KIZ: variants seen among roughly 807,000 people sequenced by gnomAD.
KIZ encodes kizuna centrosomal protein.
A neutral mutation model predicts 79.6 loss-of-function variants in KIZ; 68 were observed. That is an observed-to-expected ratio of 0.85 (90% CI 0.70 to 1.05). The LOEUF (loss-of-function observed/expected upper bound fraction) is 1.05. Among genes scored for constraint, KIZ ranks in the 50% least tolerant of loss-of-function variants. The probability of loss-of-function intolerance (pLI) is 0.00; values close to 1 mark genes in which losing one functional copy is unlikely to be tolerated. For missense variants in KIZ, 797 were observed against 800.4 expected (o/e 1.00, Z 0.05); for synonymous variants, 280 against 281.8 (o/e 0.99, Z 0.06).
chr20:21,218,310 C>T (rs1273539395), intron 9 of KIZ: 1 of 151,988 alleles, frequency 6.6e-6, no homozygotes. Flanking sequence ...GCCTATGTGC[C>T]CTTAGTAACC....
chr20:21,172,291 A>C (rs1474253217), intron 6 of KIZ, among the ~76,000 whole-genome samples: 1 of 152,158 alleles, frequency 6.6e-6, no homozygotes, highest in African/African-American at 2.4e-5. Flanking sequence ...ATAAACCAGT[A>C]AACAATCTGT....
chr20:21,137,751 A>G (rs1048610532), intron 3 of KIZ, among the ~76,000 whole-genome samples: 14 of 152,016 alleles, frequency 9.2e-5, no homozygotes, highest in African/African-American at 2.7e-4. Context: ...TCATACCATT[A>G]TCACGTCTAA....
At chr20:21,141,742 A>G (rs924117469) in intron 3 of KIZ, among the ~76,000 whole-genome samples, 6 of 151,842 alleles carry the variant, frequency 4.0e-5, no homozygotes, top group African/African-American at 1.5e-4. Context: ...TTGAGGACAA[A>G]GCCCAGGTGC....
At position 21,133,200 on chromosome 20, in the gene KIZ, G is replaced by C. The variant is rs186879673; in HGVS notation, c.152+1041G>C. 309 of 152,314 alleles carry C rather than the reference G, an allele frequency of 2.0e-3. 1 individual carries two copies. The highest frequency in any genetic ancestry group is 7.0e-3 in the African/African-American group (292 of 41,554). The allele number at this position is 152,314 out of a possible 1,614,324, so 9.4% of individuals were successfully genotyped here. A position where few individuals can be genotyped will look rare whatever the true frequency, so the allele number is the denominator to read the frequency against. ...TCCTTTAAAGTCAAATTACCTATTA[G>C]GTCAGTTCTTTCCCTTGTCTTCAAA... On this transcript the variant is annotated intron_variant, in intron 2 of 12. Transcript: ENST00000619189.
intron 8 of KIZ, 29 bp from the exon 9 acceptor site, chr20:21,215,553 CT>C (rs753407988): frequency 8.6e-4 from 1,170 of 1,362,792 alleles, no homozygotes; most frequent in Non-Finnish European, 9.8e-4. Flanking sequence ...CTTTGAAATA[CT>C]TTTTTTTTAT....
chr20:21,170,701 T>A (rs1246650881), intron 6 of KIZ, among the ~76,000 whole-genome samples: 2 of 152,084 alleles, frequency 1.3e-5, no homozygotes, highest in Non-Finnish European at 2.9e-5. Flanking sequence ...AAATACTAGA[T>A]CTTATTCGTT....
intron 7 of KIZ, among the ~76,000 whole-genome samples, chr20:21,211,663 C>G (rs907579015): frequency 6.6e-6 from 1 of 152,222 alleles, no homozygotes; most frequent in African/African-American, 2.4e-5. Context: ...CTCTGAGCTT[C>G]TCTCTGTGTT....
At position 21,235,920 on chromosome 20, in the gene KIZ, G is replaced by A. The variant is rs574310748; in HGVS notation, c.1880+3090G>A. ...CCTGGTCACTGTGCCATTTTCCCCAGGATAACATAAAGATTATAAGGAACC... is the reference window on the plus strand; with the variant it reads ...CCTGGTCACTGTGCCATTTTCCCCAAGATAACATAAAGATTATAAGGAACC... On this transcript the variant is annotated intron_variant, in intron 11 of 12. Transcript: ENST00000619189. Among the ~76,000 whole-genome samples, 297 of 152,284 alleles carry A rather than the reference G, an allele frequency of 2.0e-3. 2 individuals carry two copies. The highest frequency in any genetic ancestry group is 3.5e-3 in the Non-Finnish European group (236 of 68,026).
At chr20:21,188,585 C>G (rs1353197737) in intron 6 of KIZ, among the ~76,000 whole-genome samples, 3 of 151,462 alleles carry the variant, frequency 2.0e-5, no homozygotes, top group South Asian at 4.2e-4. Context: ...ACCCTACACC[C>G]TCCACATTTT....
chr20:21,189,316 AGGGGTTAAGTTTG>A (rs1167151380), intron 6 of KIZ, among the ~76,000 whole-genome samples: 3 of 152,174 alleles, frequency 2.0e-5, no homozygotes, highest in Non-Finnish European at 4.4e-5. Flanking sequence ...ATTCGGTTAA[AGGGGTTAAGTTTG>A]GGATCCATAG....
intron 6 of KIZ, among the ~76,000 whole-genome samples, chr20:21,204,768 A>G (rs1432212954): frequency 6.6e-6 from 1 of 152,202 alleles, no homozygotes; most frequent in Non-Finnish European, 1.5e-5. Flanking sequence ...CTGAGCAGCA[A>G]TATAGGCTTA....
intron 6 of KIZ, among the ~76,000 whole-genome samples, chr20:21,192,689 C>T (rs1320215812): frequency 7.2e-5 from 11 of 152,116 alleles, no homozygotes; most frequent in Admixed American, 7.2e-4. Context: ...AGGGAAATTG[C>T]AGAAGAATGA....
At chr20:21,154,861 G>A (rs2033297611) in intron 4 of KIZ, among the ~76,000 whole-genome samples, 1 of 152,168 alleles carries the variant, frequency 6.6e-6, no homozygotes, top group African/African-American at 2.4e-5. Context: ...TTTTAAAAAA[G>A]AAGAGACACC....
intron 7 of KIZ, among the ~76,000 whole-genome samples, chr20:21,210,867 A>G (rs2036039182): frequency 6.6e-6 from 1 of 151,338 alleles, no homozygotes; most frequent in Non-Finnish European, 1.5e-5. Context: ...TTCTCTACCT[A>G]TTTATTAGCT....
At chr20:21,129,477 A>T (rs1310415516) in intron 1 of KIZ, among the ~76,000 whole-genome samples, 1 of 152,176 alleles carries the variant, frequency 6.6e-6, no homozygotes, top group Non-Finnish European at 1.5e-5. Flanking sequence ...GCTCACACCT[A>T]TAATCCCGGC....
intron 6 of KIZ, among the ~76,000 whole-genome samples, chr20:21,174,462 T>A (rs1401369970): frequency 6.6e-6 from 1 of 152,094 alleles, no homozygotes; most frequent in Non-Finnish European, 1.5e-5. Flanking sequence ...AAAGATAATA[T>A]TTTATAAGGT....
Position 21,229,150 on chromosome 20 carries a change from A to G in KIZ, c.1783+35A>G, listed in dbSNP as rs376631106. On this transcript the variant is annotated intron_variant, in intron 10 of 12. Coordinates refer to ENST00000619189, the MANE Select transcript of KIZ (RefSeq NM_018474.6). ...AGCAGATGGCAGTGTCCAGGGGCCCAGAGTGGCAGGCAGGGCTGTGTTCGG... is the reference window on the plus strand; with the variant it reads ...AGCAGATGGCAGTGTCCAGGGGCCCGGAGTGGCAGGCAGGGCTGTGTTCGG... 52 of 1,249,352 alleles carry G rather than the reference A, an allele frequency of 4.2e-5. No individual in the cohort carries two copies. In the East Asian group the frequency reaches 1.1e-3, roughly 26 times the overall value. The allele number at this position is 1,249,352 out of a possible 1,614,324, so 77.4% of individuals were successfully genotyped here.
intron 8 of KIZ, 102 bp downstream of exon 8, chr20:21,214,802 T>G: frequency 1.5e-6 from 1 of 674,198 alleles, no homozygotes; most frequent in Non-Finnish European, 2.6e-6. Context: ...AGTGAATACC[T>G]CTGATTTTAA....
intron 9 of KIZ, among the ~76,000 whole-genome samples, chr20:21,223,102 C>T (rs543489663): frequency 1.4e-4 from 22 of 152,224 alleles, no homozygotes; most frequent in South Asian, 6.2e-4. Context: ...GTACAAATGG[C>T]TAAAATATAC....
Sources: allele counts gnomAD v4.1 joint callset (sites outside exome capture counted in the v4.1 genomes callset), GRCh38; gene constraint gnomAD v4.1.1; transcripts MANE v1.5; gene names NCBI Gene and HGNC (gene_info 2026-07-23, HGNC 2026-07-21).